Variants in PLCH1 observed in about 807,000 individuals in gnomAD.
PLCH1 encodes the protein phospholipase C eta 1, also known as 1-phosphatidylinositol 4,5-bisphosphate phosphodiesterase eta-1.
PLCH1 carries 60 observed loss-of-function variants against 126.7 expected under a neutral mutation model. That is an observed-to-expected ratio of 0.47 (90% CI 0.38 to 0.59). PLCH1 has a LOEUF of 0.59. Ranked by LOEUF, PLCH1 falls within the 20% of genes least tolerant of loss-of-function variation. PLCH1 has a pLI of 0.00. For missense variants in PLCH1, 1,723 were observed against 2,040.0 expected, an observed-to-expected ratio of 0.84 and a Z score of 2.99; for synonymous variants, 719 against 734.9, an observed-to-expected ratio of 0.98 and a Z score of 0.35.
intron 8 of PLCH1, among the ~76,000 whole-genome samples, chr3:155,556,530 G>A (rs1726844553): frequency 6.6e-6 from 1 of 152,162 alleles, no homozygotes; most frequent in Non-Finnish European, 1.5e-5. Context: ...GATTGTAATG[G>A]TTAATTTTTC....
intron 2 of PLCH1, among the ~76,000 whole-genome samples, chr3:155,654,398 T>TTGAC (rs1418760431): frequency 3.3e-5 from 5 of 152,184 alleles, no homozygotes; most frequent in Middle Eastern, 6.9e-3. Flanking sequence ...AGCTACAACC[T>TTGAC]CTCTCCTGAG....
At chr3:155,513,145 T>C (rs953186882) in intron 12 of PLCH1, among the ~76,000 whole-genome samples, 1 of 152,162 alleles carries the variant, frequency 6.6e-6, no homozygotes, top group African/African-American at 2.4e-5. Context: ...CTCAGCACAT[T>C]CTCAGCTTTG....
At chr3:155,722,854 T>C (rs1748051033) in intron 1 of PLCH1, among the ~76,000 whole-genome samples, 1 of 152,334 alleles carries the variant, frequency 6.6e-6, no homozygotes, top group Non-Finnish European at 1.5e-5. Flanking sequence ...TTAGGGAGGA[T>C]TCCCTCTTTC....
chr3:155,657,688 G>C (rs544157191), intron 2 of PLCH1: 2 of 152,116 alleles, frequency 1.3e-5, no homozygotes, highest in African/African-American at 2.4e-5. Context: ...CATTATTTAC[G>C]CTTTAAACTT....
chr3:155,494,385 G>A lies in PLCH1; in HGVS notation c.2027C>T (p.Ser676Phe). 6.2e-7 allele frequency: 1 copy of A among 1,614,142 alleles called. No homozygotes were observed. The highest frequency in any genetic ancestry group is 8.5e-7 in the Non-Finnish European group (1 of 1,179,982). The change falls in exon 16 of 23, where the codon TCC (serine) becomes TTC (phenylalanine). Residue 676 changes from serine to phenylalanine, a missense_variant. Transcript: ENST00000460012. ...RIYPSAYRIDSSNFNPLPYWN... is the reference protein window; with the variant it reads ...RIYPSAYRIDFSNFNPLPYWN... ...GTAGGGGAGAGGGTTGAAGTTACTG[G>A]AATCAATGCGGTAGGCAGAGGGGTA... is the stretch of plus-strand genomic sequence containing the variant.
chr3:155,644,993 A>C (rs1739856864), intron 2 of PLCH1, among the ~76,000 whole-genome samples: 1 of 152,156 alleles, frequency 6.6e-6, no homozygotes, highest in Admixed American at 6.5e-5. Context: ...TTTACACAGT[A>C]CTTCCTAATT....
intron 4 of PLCH1, among the ~76,000 whole-genome samples, chr3:155,592,173 T>TGAAA (rs1560214187): frequency 8.7e-6 from 1 of 114,328 alleles, no homozygotes; most frequent in Non-Finnish European, 2.0e-5. Flanking sequence ...CTTTTCTCTT[T>TGAAA]TAAAAAAAAA....
intron 10 of PLCH1, among the ~76,000 whole-genome samples, chr3:155,532,595 G>A (rs1722847700): frequency 6.6e-6 from 1 of 152,130 alleles, no homozygotes; most frequent in Non-Finnish European, 1.5e-5. Flanking sequence ...CACAGGATCT[G>A]ATGACTTTAT....
intron 12 of PLCH1, among the ~76,000 whole-genome samples, chr3:155,506,729 C>T (rs1387368955): frequency 1.4e-4 from 21 of 147,152 alleles, no homozygotes; most frequent in African/African-American, 5.3e-4. Context: ...ATATGTGCCA[C>T]ATTTTCTTAA....
At chr3:155,686,123 C>T (rs545455420) in intron 2 of PLCH1, among the ~76,000 whole-genome samples, 2 of 151,990 alleles carry the variant, frequency 1.3e-5, no homozygotes, top group Admixed American at 6.6e-5. Flanking sequence ...ATCGTGTGTG[C>T]GTGCATGCAT....
chr3:155,717,524 C>A (rs2109124644), intron 1 of PLCH1, among the ~76,000 whole-genome samples: 1 of 152,366 alleles, frequency 6.6e-6, no homozygotes, highest in Middle Eastern at 3.4e-3. Context: ...CTCTTGCACT[C>A]TGCACACCTA....
In PLCH1 at chr3:155,469,994, C is replaced by G. The variant is rs1234163264; in HGVS notation, c.2938+15362G>C. 3.3e-5 allele frequency among the ~76,000 whole-genome samples: 5 copies of G among 152,244 alleles called. No homozygotes were observed. In the East Asian group the frequency reaches 9.7e-4, roughly 29 times the overall value. On this transcript the variant is annotated intron_variant, in intron 21 of 21. Transcript: ENST00000494598. Reference sequence around the variant, plus strand: ...ATAGGGAAAAAACAGAACAGAAAAACTGGAAACTCTAAAACGCAGAACGCC... The same window carrying G: ...ATAGGGAAAAAACAGAACAGAAAAAGTGGAAACTCTAAAACGCAGAACGCC...
At chr3:155,479,332 G>A (rs1359964712), downstream of PLCH1, among the ~76,000 whole-genome samples, 1 of 152,064 alleles carries the variant, frequency 6.6e-6, no homozygotes. Flanking sequence ...CATAGAAATG[G>A]TCACTTACCC....
chr3:155,595,654 T>G (rs1732887953), intron 3 of PLCH1, among the ~76,000 whole-genome samples: 1 of 152,226 alleles, frequency 6.6e-6, no homozygotes, highest in Admixed American at 6.5e-5. Context: ...ATCATGTGAC[T>G]TCTTGGCCTT....
rs1327360238 is a variant in PLCH1, at chr3:155,508,531, C to A, written c.1633-3905G>T. On this transcript the variant is annotated intron_variant, in intron 12 of 22. Coordinates refer to ENST00000460012, the MANE Select transcript of PLCH1 (RefSeq NM_014996.4). ...CTTATTATTTTGAAATACGTCCCAT[C>A]AATACCTAATTTATTGAGAGTTTTT... 3.2e-3 allele frequency among the ~76,000 whole-genome samples: 439 copies of A among 135,238 alleles called. 3 individuals are homozygous for A. Among genetic ancestry groups the A allele is most frequent in the Non-Finnish European group, 5.6e-3 (363 of 64,976 alleles). The allele number at this position is 135,238 out of a possible 152,430, so 88.7% of individuals were successfully genotyped here.
chr3:155,611,536 C>T lies in PLCH1; in HGVS notation c.80-15158G>A, dbSNP rs143192880. 5.2e-3 allele frequency among the ~76,000 whole-genome samples: 791 copies of T among 152,252 alleles called. 8 individuals are homozygous for T. The highest frequency in any genetic ancestry group is 0.018 in the African/African-American group (745 of 41,546). On this transcript the variant is annotated intron_variant, in intron 2 of 22. Coordinates refer to ENST00000460012, the MANE Select transcript of PLCH1 (RefSeq NM_014996.4). ...AATTTATTAAACAATTACTACTAGACTTAAGAAACTGATGAACAACAACAC... is the reference window on the plus strand; with the variant it reads ...AATTTATTAAACAATTACTACTAGATTTAAGAAACTGATGAACAACAACAC...
chr3:155,486,293 A>G (rs1206549248), intron 21 of PLCH1: 4 of 755,414 alleles, frequency 5.3e-6, no homozygotes, highest in Non-Finnish European at 8.7e-6. Context: ...GAAAAAATGC[A>G]TACATGTCTA....
chr3:155,461,551 G>A (rs910976653), intron 21 of PLCH1, among the ~76,000 whole-genome samples: 5 of 152,206 alleles, frequency 3.3e-5, no homozygotes, highest in African/African-American at 9.6e-5. Flanking sequence ...TGTTTGCCCA[G>A]ACCTTCAGAT....
intron 10 of PLCH1, among the ~76,000 whole-genome samples, chr3:155,526,370 G>GCTCTCT (rs576894112): frequency 2.0e-5 from 3 of 147,304 alleles, no homozygotes; most frequent in African/African-American, 7.5e-5. Context: ...CTTTCCTGGA[G>GCTCTCT]CTCTCTCTCT....
Sources: gnomAD v4.1 joint callset for allele counts (sites outside exome capture counted in the v4.1 genomes callset) on GRCh38, gnomAD v4.1.1 for gene constraint, MANE v1.5 for transcripts, NCBI Gene and HGNC (gene_info 2026-07-23, HGNC 2026-07-21) for gene names.